CUTC: variants seen among roughly 807,000 people sequenced by gnomAD.
CUTC encodes the protein cutC copper transporter.
Under a neutral mutation model 36.2 loss-of-function variants are expected in CUTC, and 27 were observed. The ratio of observed to expected loss-of-function variants is 0.75; its 90% CI spans 0.55 to 1.03. The LOEUF (loss-of-function observed/expected upper bound fraction) is 1.03, where lower values mean the gene tolerates loss of function less well. Among genes scored for constraint, CUTC ranks in the 50% least tolerant of loss-of-function variants. The probability of loss-of-function intolerance (pLI) is 0.00; values close to 1 mark genes in which losing one functional copy is unlikely to be tolerated. For synonymous variants in CUTC, 114 were observed against 118.3 expected (o/e 0.96, Z 0.24); for missense variants, 315 against 343.5 (o/e 0.92, Z 0.66).
At chr10:99,742,210 A>T (rs1002247794) in intron 3 of CUTC, among the ~76,000 whole-genome samples, 11 of 151,260 alleles carry the variant, frequency 7.3e-5, no homozygotes, top group Non-Finnish European at 1.0e-4. Context: ...CTGTTTTTTT[A>T]TTATTATTAT....
In CUTC at chr10:99,739,701, A is replaced by G. The variant is rs748835539; in HGVS notation, c.134-9A>G. On this transcript the variant is annotated splice_polypyrimidine_tract_variant and intron_variant, in intron 2 of 8. Coordinates refer to ENST00000370476, the MANE Select transcript of CUTC (RefSeq NM_015960.3). ...TAAAAATGTGTTGAGCAATGCTTTT[A>G]TATTACAGGTGCTGATCGGATTGAA... 3.7e-6 allele frequency: 6 copies of G among 1,608,296 alleles called. No homozygotes were observed. Among genetic ancestry groups the G allele is most frequent in the African/African-American group, 2.7e-5 (2 of 74,572 alleles).
intron 3 of CUTC, among the ~76,000 whole-genome samples, chr10:99,742,624 G>A (rs951849198): frequency 6.6e-6 from 1 of 151,328 alleles, no homozygotes; most frequent in African/African-American, 2.4e-5. Context: ...CACTTATTAT[G>A]GCATATTTAG....
chr10:99,741,878 T>C (rs2037344076), intron 3 of CUTC, among the ~76,000 whole-genome samples: 1 of 152,186 alleles, frequency 6.6e-6, no homozygotes, highest in African/African-American at 2.4e-5. Flanking sequence ...AGCCTATCTT[T>C]TTTAAAAAAA....
In CUTC at chr10:99,743,319, T is replaced by C. The variant is rs761272641; in HGVS notation, c.360T>C (p.Thr120=). 6.2e-7 allele frequency: 1 copy of C among 1,614,162 alleles called. No homozygotes were observed. The highest frequency in any genetic ancestry group is 2.2e-5 in the East Asian group (1 of 44,882). The change falls in exon 4 of 9, where the codon ACT becomes ACC. Residue 120 remains threonine, a synonymous_variant. Transcript: ENST00000370476. The stretch of plus-strand genomic sequence containing the variant: ...ATGGTTTGGTTTTTGGGGCATTGAC[T>C]GAAGATGGACACATTGACAAAGAGC... ...GADGLVFGAL[T]EDGHIDKELC... is the part of the protein sequence containing the mutation.
chr10:99,743,435 C>T, intron 4 of CUTC, 73 bp downstream of exon 4: 1 of 1,376,980 alleles, frequency 7.3e-7, no homozygotes, highest in Non-Finnish European at 1.0e-6. Flanking sequence ...AGAAAAACAA[C>T]ATCACAAAAC....
chr10:99,736,070 A>C (rs1318364580), intron 1 of CUTC, among the ~76,000 whole-genome samples, 176 bp from the exon 2 acceptor site: 1 of 152,226 alleles, frequency 6.6e-6, no homozygotes, highest in Non-Finnish European at 1.5e-5. Flanking sequence ...TTCAGTCTAT[A>C]GGCATCAATT....
At chr10:99,739,667 CTTA>C in intron 2 of CUTC, 40 bp from the exon 3 acceptor site, 1 of 1,578,316 alleles carries the variant, frequency 6.3e-7, no homozygotes, top group East Asian at 2.3e-5. Context: ...TTAATAACAG[CTTA>C]TTTTTTAAAA....
At position 99,747,389 on chromosome 10, in the gene CUTC, A is replaced by T; in HGVS notation, c.572A>T (p.Gln191Leu). 1 of 1,614,118 alleles carries T rather than the reference A, an allele frequency of 6.2e-7. No individual in the cohort carries two copies. Among genetic ancestry groups the T allele is most frequent in the East Asian group, 2.2e-5 (1 of 44,876 alleles). ...GLPLIKRLIE[Q>L]AKGRIVVMPG... The stretch of plus-strand genomic sequence containing the variant: ...CCCCTAATAAAGCGACTCATTGAGC[A>T]GGTACGTGGACTTTATCTTTTTTTC... Residue 191 changes from glutamine to leucine, a missense_variant and splice_region_variant, in exon 6 of 9, where the codon CAG becomes CTG. Gln to Leu is a moderately radical substitution (Grantham distance 113). Transcript: ENST00000370476.
At chr10:99,744,119 C>G (rs760453133) in intron 5 of CUTC, 47 bp downstream of exon 5, 4 of 1,489,706 alleles carry the variant, frequency 2.7e-6, no homozygotes, top group Non-Finnish European at 3.7e-6. Flanking sequence ...TGTTAGTTTT[C>G]TAATTTCAAC....
At chr10:99,737,754 C>T (rs993801334) in intron 2 of CUTC, among the ~76,000 whole-genome samples, 3 of 152,150 alleles carry the variant, frequency 2.0e-5, no homozygotes, top group Admixed American at 2.0e-4. Context: ...TTTGCTGACC[C>T]CTGATTTATA....
intron 7 of CUTC, 85 bp downstream of exon 7, chr10:99,750,481 G>T: frequency 1.0e-6 from 1 of 957,278 alleles, no homozygotes. Flanking sequence ...GTGAGAGAGA[G>T]TATTAGTACA....
chr10:99,751,639 C>A (rs1007095357), intron 7 of CUTC, among the ~76,000 whole-genome samples: 23 of 152,210 alleles, frequency 1.5e-4, no homozygotes, highest in African/African-American at 5.1e-4. Context: ...AGCCAGATCA[C>A]CTGAGGTCAA....
Position 99,755,739 on chromosome 10 carries a change from G to A in CUTC, c.822G>A (p.Ter274=). 1 of 1,583,374 alleles carries A rather than the reference G, an allele frequency of 6.3e-7. No homozygotes were observed. Among genetic ancestry groups the A allele is most frequent in the Non-Finnish European group, 8.7e-7 (1 of 1,152,502 alleles). ...LNAIAKNILV[*] ...CTATCGCAAAGAACATCCTGGTGTA[G>A]CCAGACCTCTCTGAGAGACATGGAT... The change falls in exon 9 of 9, where the codon TAG becomes TAA. Residue 274 remains the stop codon, a stop_retained_variant. Coordinates refer to ENST00000370476, the MANE Select transcript of CUTC (RefSeq NM_015960.3).
intron 2 of CUTC, among the ~76,000 whole-genome samples, chr10:99,736,817 G>A (rs1564655133): frequency 6.6e-6 from 1 of 152,054 alleles, no homozygotes; most frequent in Non-Finnish European, 1.5e-5. Context: ...CCCCATGTAT[G>A]CATCACTCAT....
In CUTC at chr10:99,732,246, C is replaced by A. The variant is rs538033571; in HGVS notation, c.-103C>A. 1.4e-4 allele frequency: 208 copies of A among 1,525,100 alleles called. No individual in the cohort carries two copies. Among genetic ancestry groups the A allele is most frequent in the Non-Finnish European group, 1.7e-4 (196 of 1,135,706 alleles). 94.5% of individuals were successfully genotyped at this position (1,525,100 alleles called of 1,614,324 possible). A position where few individuals can be genotyped will look rare whatever the true frequency, so the allele number is the denominator to read the frequency against. On this transcript the variant is annotated 5_prime_UTR_variant, in exon 1 of 9. Transcript: ENST00000370476. Reference sequence around the variant, plus strand: ...CTGGGGCGTAGGTGTCGGGGACGCGCGCACGGGCGCGCGCAGCTGTTGACG... The same window carrying A: ...CTGGGGCGTAGGTGTCGGGGACGCGAGCACGGGCGCGCGCAGCTGTTGACG...
rs747294683 is a variant in CUTC at position 99,747,240 on chromosome 10, A to G, written c.440-17A>G. 4.3e-6 allele frequency: 7 copies of G among 1,611,908 alleles called. No homozygotes were observed. In the East Asian group the frequency reaches 1.6e-4, roughly 36 times the overall value. Reference sequence around the variant, plus strand: ...GAGATACCTGTTCAAAATTCACATCAGTTTTATTTATTTCAGCCTTTGACA... The same window carrying G: ...GAGATACCTGTTCAAAATTCACATCGGTTTTATTTATTTCAGCCTTTGACA... On this transcript the variant is annotated splice_polypyrimidine_tract_variant and intron_variant, in intron 5 of 8. Coordinates refer to ENST00000370476, the MANE Select transcript of CUTC (RefSeq NM_015960.3).
In CUTC at chr10:99,732,333, G is replaced by A. The variant is rs556305600; in HGVS notation, c.-16G>A. On this transcript the variant is annotated 5_prime_UTR_variant, in exon 1 of 9. Coordinates refer to ENST00000370476, the MANE Select transcript of CUTC (RefSeq NM_015960.3). The stretch of plus-strand genomic sequence containing the variant: ...AAGTGGAAACTGCAGGCGCACGAGG[G>A]AGGAACGCGTGGAGCATGAAAAGGC... 5.8e-6 allele frequency: 9 copies of A among 1,551,884 alleles called. No individual in the cohort carries two copies. The African/African-American group carries it at 6.8e-5, about 12-fold the overall frequency.
rs531894526 is a variant in CUTC, at chr10:99,733,225, C to T, written c.61+816C>T. 1.2e-4 allele frequency among the ~76,000 whole-genome samples: 18 copies of T among 152,280 alleles called. No individual in the cohort carries two copies. The South Asian group carries it at 3.3e-3, about 28-fold the overall frequency. Reference sequence around the variant, plus strand: ...TCGGGAGGCTGAGGCAGGAGAATCACTTGAACCCGGGAGGCGGAGGTTGCA... The same window carrying T: ...TCGGGAGGCTGAGGCAGGAGAATCATTTGAACCCGGGAGGCGGAGGTTGCA... On this transcript the variant is annotated intron_variant, in intron 1 of 8. Coordinates refer to ENST00000370476, the MANE Select transcript of CUTC (RefSeq NM_015960.3).
rs375557886 is a variant in CUTC, at chr10:99,752,365, G to A, written c.601+1969G>A. Among the ~76,000 whole-genome samples the A allele has an allele frequency of 1.4e-4, 21 of 150,934 alleles. No individual in the cohort carries two copies. In the East Asian group the frequency reaches 1.6e-3, roughly 11 times the overall value. On this transcript the variant is annotated intron_variant, in intron 7 of 8. Coordinates refer to ENST00000370476, the MANE Select transcript of CUTC (RefSeq NM_015960.3). ...ACTGCACTGCAGCCTGGGCAACAGAGTGAGACCCTGTGTCAAAAGAAAAAA... is the reference window on the plus strand; with the variant it reads ...ACTGCACTGCAGCCTGGGCAACAGAATGAGACCCTGTGTCAAAAGAAAAAA...
Sources: allele counts gnomAD v4.1 joint callset (sites outside exome capture counted in the v4.1 genomes callset), GRCh38; gene constraint gnomAD v4.1.1; transcripts MANE v1.5; gene names NCBI Gene and HGNC (gene_info 2026-07-23, HGNC 2026-07-21).